CALN1: variants seen among roughly 807,000 people sequenced by gnomAD.
CALN1 encodes calcium-binding protein 8.
A neutral mutation model predicts 30.6 loss-of-function variants in CALN1; 17 were observed. That is an observed-to-expected ratio of 0.56 (90% confidence interval 0.38 to 0.83). The LOEUF (loss-of-function observed/expected upper bound fraction) is 0.83. Among genes scored for constraint, CALN1 ranks in the 40% least tolerant of loss-of-function variants. The pLI is 0.00. For missense variants in CALN1, 291 were observed against 354.9 expected (o/e 0.82, Z 1.45); for synonymous variants, 156 against 131.4 (o/e 1.19, Z -1.28).
At chr7:71,848,133 A>C (rs1360259455) in intron 5 of CALN1, among the ~76,000 whole-genome samples, 1 of 152,208 alleles carries the variant, frequency 6.6e-6, no homozygotes, top group Non-Finnish European at 1.5e-5. Context: ...ACTGGTTATA[A>C]GAAAGCACCC....
chr7:72,125,115 G>A (rs1808654077), intron 3 of CALN1, among the ~76,000 whole-genome samples: 1 of 152,126 alleles, frequency 6.6e-6, no homozygotes, highest in Admixed American at 6.5e-5. Context: ...TGCAACCTCT[G>A]CCTCCCAGGT....
intron 5 of CALN1, among the ~76,000 whole-genome samples, chr7:71,949,304 A>G (rs1276247471): frequency 6.6e-6 from 1 of 152,178 alleles, no homozygotes; most frequent in Admixed American, 6.5e-5. Flanking sequence ...GTGTACGTCG[A>G]GTAAGTGACT....
chr7:72,369,640 C>T (rs1804101026), intron 2 of CALN1, among the ~76,000 whole-genome samples: 1 of 152,020 alleles, frequency 6.6e-6, no homozygotes, highest in Admixed American at 6.6e-5. Context: ...GGATTACAAG[C>T]GTAATCTCTC....
chr7:72,033,918 G>A (rs1411385528), intron 4 of CALN1, among the ~76,000 whole-genome samples: 6 of 152,140 alleles, frequency 3.9e-5, no homozygotes, highest in Non-Finnish European at 8.8e-5. Flanking sequence ...CCAGTGTGGA[G>A]GATGGGGATT....
chr7:71,981,034 T>C (rs1019953151), intron 5 of CALN1, among the ~76,000 whole-genome samples: 1 of 152,140 alleles, frequency 6.6e-6, no homozygotes, highest in Non-Finnish European at 1.5e-5. Flanking sequence ...ACACTGCCCG[T>C]GGCTCCCTGG....
At chr7:72,207,314 A>G (rs1212788978) in intron 3 of CALN1, among the ~76,000 whole-genome samples, 1 of 152,148 alleles carries the variant, frequency 6.6e-6, no homozygotes, top group Non-Finnish European at 1.5e-5. Context: ...GGATCTTCCC[A>G]TGGCAAATGA....
At chr7:72,291,077 C>T (rs939791725) in intron 2 of CALN1, among the ~76,000 whole-genome samples, 3 of 152,044 alleles carry the variant, frequency 2.0e-5, no homozygotes, top group East Asian at 1.9e-4. Flanking sequence ...TTATGCACCA[C>T]CATGCCTGGC....
chr7:72,235,905 A>C lies in CALN1; in HGVS notation c.244+42781T>G, dbSNP rs1427394812. On this transcript the variant is annotated intron_variant, in intron 3 of 6. Transcript: ENST00000395275. ...ACCCCAAGCTCCAAGGTAGCACAGA[A>C]CTGCTACCTGACCAAGAACCAGCCC... Among the ~76,000 whole-genome samples, 26 of 152,000 alleles carry C rather than the reference A, an allele frequency of 1.7e-4. 1 individual carries two copies. Among genetic ancestry groups the C allele is most frequent in the Admixed American group, 1.7e-3 (26 of 15,252 alleles).
chr7:72,202,375 A>G (rs1357722427), intron 3 of CALN1, among the ~76,000 whole-genome samples: 1 of 152,192 alleles, frequency 6.6e-6, no homozygotes, highest in East Asian at 1.9e-4. Context: ...GAGTAGAACA[A>G]AAACAACAAA....
At chr7:72,036,494 C>T (rs1045277418) in intron 4 of CALN1, among the ~76,000 whole-genome samples, 2 of 152,300 alleles carry the variant, frequency 1.3e-5, no homozygotes, top group South Asian at 2.1e-4. Context: ...TTGATGGACA[C>T]GATTCCTTAG....
chr7:72,115,834 C>T (rs1807946999), intron 3 of CALN1, among the ~76,000 whole-genome samples: 1 of 151,990 alleles, frequency 6.6e-6, no homozygotes, highest in African/African-American at 2.4e-5. Context: ...CCCCTCCTTC[C>T]TTACCTCTGG....
chr7:72,068,203 G>T (rs1311036906), intron 4 of CALN1, among the ~76,000 whole-genome samples: 1 of 152,160 alleles, frequency 6.6e-6, no homozygotes, highest in African/African-American at 2.4e-5. Context: ...ACCAGCAAAA[G>T]ATTTTAAAAT....
At chr7:72,103,818 G>C (rs566655338) in intron 4 of CALN1, among the ~76,000 whole-genome samples, 1 of 152,026 alleles carries the variant, frequency 6.6e-6, no homozygotes, top group African/African-American at 2.4e-5. Context: ...CAATGGGAAC[G>C]TCCAGACAGA....
intron 4 of CALN1, among the ~76,000 whole-genome samples, chr7:72,050,957 T>G (rs948915658): frequency 6.6e-6 from 1 of 151,586 alleles, no homozygotes; most frequent in African/African-American, 2.4e-5. Context: ...GTGCCACTAC[T>G]GCATTCCAGC....
intron 3 of CALN1, among the ~76,000 whole-genome samples, chr7:72,147,554 T>A (rs1371343425): frequency 1.3e-5 from 2 of 151,030 alleles, no homozygotes; most frequent in Non-Finnish European, 3.0e-5. Context: ...TCCTCAGGGA[T>A]CTACAACTAG....
chr7:72,184,029 G>A (rs1040551027), intron 3 of CALN1, among the ~76,000 whole-genome samples: 3 of 152,014 alleles, frequency 2.0e-5, no homozygotes, highest in African/African-American at 7.2e-5. Context: ...AACCAGCAGG[G>A]GGCATCCCAC....
intron 5 of CALN1, among the ~76,000 whole-genome samples, chr7:71,886,978 C>T (rs1008961472): frequency 6.6e-6 from 1 of 151,908 alleles, no homozygotes; most frequent in Non-Finnish European, 1.5e-5. Context: ...GGAGAGAGTG[C>T]CTACCTTAGT....
At chr7:71,821,561 G>T (rs1788591451) in intron 5 of CALN1, among the ~76,000 whole-genome samples, 1 of 152,100 alleles carries the variant, frequency 6.6e-6, no homozygotes, top group Non-Finnish European at 1.5e-5. Context: ...CTGCCTCCAG[G>T]ATTCTATTAT....
At chr7:72,298,248 G>C (rs1047020504) in intron 2 of CALN1, among the ~76,000 whole-genome samples, 8 of 152,234 alleles carry the variant, frequency 5.3e-5, no homozygotes, top group Admixed American at 1.3e-4. Context: ...ACTCTTATTT[G>C]TGTTTGACAA....
Sources: allele counts gnomAD v4.1 joint callset (sites outside exome capture counted in the v4.1 genomes callset), GRCh38; gene constraint gnomAD v4.1.1; transcripts MANE v1.5; gene names NCBI Gene and HGNC (gene_info 2026-07-23, HGNC 2026-07-21).